The following SLC24A3 variants were observed in gnomAD, a reference collection of about 807,000 sequenced individuals.
The protein encoded by SLC24A3 is solute carrier family 24 member 3.
SLC24A3 carries 28 observed loss-of-function variants against 75.8 expected under a neutral mutation model. The observed-to-expected ratio is 0.37, with a 90% CI of 0.27 to 0.51. SLC24A3 has a LOEUF of 0.51. Ranked by LOEUF, SLC24A3 falls within the 20% of genes least tolerant of loss-of-function variation. SLC24A3 has a pLI of 0.94. For synonymous variants in SLC24A3, 372 were observed against 334.1 expected, an observed-to-expected ratio of 1.11 and a Z score of -1.24; for missense variants, 663 against 847.8, an observed-to-expected ratio of 0.78 and a Z score of 2.71.
At chr20:19,256,633 G>C (rs1282616093) in intron 1 of SLC24A3, among the ~76,000 whole-genome samples, 2 of 151,904 alleles carry the variant, frequency 1.3e-5, no homozygotes, top group Admixed American at 6.6e-5. Flanking sequence ...GCCGGGCATG[G>C]TGGCATACGC....
intron 2 of SLC24A3, among the ~76,000 whole-genome samples, chr20:19,304,565 T>A (rs1426868134): frequency 6.6e-6 from 1 of 152,164 alleles, no homozygotes; most frequent in African/African-American, 2.4e-5. Flanking sequence ...TCCTTGTACA[T>A]TGGGTTGTTG....
intron 15 of SLC24A3, among the ~76,000 whole-genome samples, chr20:19,705,543 A>T (rs1311777653): frequency 6.6e-6 from 1 of 152,182 alleles, no homozygotes. Flanking sequence ...AGCTTTTCCT[A>T]TGAGAGGCTT....
chr20:19,474,782 C>T (rs998938101), intron 2 of SLC24A3, among the ~76,000 whole-genome samples: 2 of 152,170 alleles, frequency 1.3e-5, no homozygotes, highest in Admixed American at 6.5e-5. Flanking sequence ...AATTGTACAG[C>T]ATCTCATTAC....
At chr20:19,493,590 C>T (rs1056650160) in intron 2 of SLC24A3, among the ~76,000 whole-genome samples, 1 of 152,044 alleles carries the variant, frequency 6.6e-6, no homozygotes, top group African/African-American at 2.4e-5. Flanking sequence ...GGTAGAATAG[C>T]CTGAAAATGT....
intron 6 of SLC24A3, among the ~76,000 whole-genome samples, chr20:19,617,424 G>A (rs1483985747): frequency 8.5e-5 from 13 of 152,160 alleles, no homozygotes; most frequent in South Asian, 4.1e-4. Context: ...CCCTTCTCCC[G>A]CTGCCTCTAG....
chr20:19,237,432 G>A (rs1982195874), intron 1 of SLC24A3, among the ~76,000 whole-genome samples: 1 of 152,194 alleles, frequency 6.6e-6, no homozygotes, highest in South Asian at 2.1e-4. Context: ...GAGAAGGCCT[G>A]GTGTGCCGTC....
At chr20:19,400,147 T>C (rs1986525457) in intron 2 of SLC24A3, among the ~76,000 whole-genome samples, 1 of 152,214 alleles carries the variant, frequency 6.6e-6, no homozygotes, top group Non-Finnish European at 1.5e-5. Context: ...ATCTCCTCAT[T>C]ATGGGTCCTG....
intron 2 of SLC24A3, among the ~76,000 whole-genome samples, chr20:19,482,836 C>T (rs936896749): frequency 3.3e-5 from 5 of 152,192 alleles, no homozygotes; most frequent in African/African-American, 1.2e-4. Context: ...TTTGAGGACA[C>T]CACAAGCACA....
intron 1 of SLC24A3, among the ~76,000 whole-genome samples, chr20:19,234,474 A>G (rs1982109430): frequency 6.6e-6 from 1 of 152,236 alleles, no homozygotes; most frequent in African/African-American, 2.4e-5. Context: ...AAATGCCAAG[A>G]TTGAGACCCT....
At chr20:19,669,013 GGA>G (rs1207220014) in intron 8 of SLC24A3, among the ~76,000 whole-genome samples, 3 of 152,168 alleles carry the variant, frequency 2.0e-5, no homozygotes, top group African/African-American at 7.2e-5. Context: ...GAGCAGCCAG[GGA>G]GATTAGAATG....
chr20:19,642,001 A>T (rs1363826417), intron 6 of SLC24A3, among the ~76,000 whole-genome samples: 1 of 152,228 alleles, frequency 6.6e-6, no homozygotes, highest in Non-Finnish European at 1.5e-5. Context: ...ACGTAGTCCT[A>T]TCACTTTCAA....
At chr20:19,451,986 TC>T (rs1347519851) in intron 2 of SLC24A3, among the ~76,000 whole-genome samples, 1 of 152,222 alleles carries the variant, frequency 6.6e-6, no homozygotes, top group African/African-American at 2.4e-5. Context: ...CTTCAGTCTG[TC>T]CACATGTTAT....
intron 6 of SLC24A3, among the ~76,000 whole-genome samples, chr20:19,631,516 G>C (rs1163273433): frequency 6.6e-6 from 1 of 152,088 alleles, no homozygotes; most frequent in Non-Finnish European, 1.5e-5. Context: ...ATTGTAAGTT[G>C]AAGATATTAT....
chr20:19,557,504 C>T (rs549215249), intron 3 of SLC24A3, among the ~76,000 whole-genome samples: 2 of 152,280 alleles, frequency 1.3e-5, no homozygotes, highest in East Asian at 3.9e-4. Context: ...CTTCCTCAAA[C>T]TCAGTAGCTG....
intron 13 of SLC24A3, chr20:19,695,825 C>T (rs954707577): frequency 2.6e-5 from 4 of 152,126 alleles, no homozygotes; most frequent in Admixed American, 6.5e-5. Flanking sequence ...GTACACATTA[C>T]GTAGCACCCA....
intron 3 of SLC24A3, among the ~76,000 whole-genome samples, chr20:19,558,993 A>G (rs1426386938): frequency 1.3e-5 from 2 of 152,232 alleles, no homozygotes; most frequent in Admixed American, 6.5e-5. Context: ...TATCTTGGGT[A>G]AATACCTGGG....
intron 7 of SLC24A3, among the ~76,000 whole-genome samples, chr20:19,658,395 C>A (rs913827773): frequency 3.9e-5 from 6 of 152,284 alleles, no homozygotes; most frequent in African/African-American, 1.4e-4. Context: ...ACGTGCATTC[C>A]GAAACCAACA....
intron 2 of SLC24A3, among the ~76,000 whole-genome samples, chr20:19,386,159 A>G (rs1986269302): frequency 6.6e-6 from 1 of 152,038 alleles, no homozygotes; most frequent in Non-Finnish European, 1.5e-5. Flanking sequence ...TATTCGAAGT[A>G]TTTTGGTTTG....
chr20:19,543,640 A>T (rs1304497867), intron 3 of SLC24A3, among the ~76,000 whole-genome samples: 1 of 152,142 alleles, frequency 6.6e-6, no homozygotes, highest in South Asian at 2.1e-4. Flanking sequence ...GTGGGAGGGA[A>T]GTCTTCACAT....
Sources: gnomAD v4.1 joint callset for allele counts (sites outside exome capture counted in the v4.1 genomes callset) on GRCh38, gnomAD v4.1.1 for gene constraint, MANE v1.5 for transcripts, NCBI Gene and HGNC (gene_info 2026-07-23, HGNC 2026-07-21) for gene names.